MAP3K4: variants seen among roughly 807,000 people sequenced by gnomAD.
The protein encoded by MAP3K4 is MAP three kinase 1.
A neutral mutation model predicts 185.6 loss-of-function variants in MAP3K4; 67 were observed. That is an observed-to-expected ratio of 0.36 (90% CI 0.30 to 0.44). The LOEUF is 0.44. Among genes scored for constraint, MAP3K4 ranks in the 20% least tolerant of loss-of-function variants. The pLI, the probability that MAP3K4 is intolerant of heterozygous loss-of-function variation, is 1.00. For missense variants in MAP3K4, 1,551 were observed against 1,995.1 expected (o/e 0.78, Z 4.24); for synonymous variants, 702 against 710.4 (o/e 0.99, Z 0.19).
intron 1 of MAP3K4, among the ~76,000 whole-genome samples, chr6:161,015,277 G>T (rs1012113368): frequency 3.3e-5 from 5 of 151,778 alleles, no homozygotes; most frequent in Non-Finnish European, 4.4e-5. Flanking sequence ...TGGACACATG[G>T]GGGGGAAACA....
At chr6:161,009,132 G>A (rs1383489575) in intron 1 of MAP3K4, among the ~76,000 whole-genome samples, 2 of 151,864 alleles carry the variant, frequency 1.3e-5, no homozygotes, top group African/African-American at 2.4e-5. Context: ...CTACAGGTGC[G>A]CGCCACCACG....
rs1778155470 is a variant in MAP3K4 at position 161,107,816 on chromosome 6, T to A, written c.4049-83T>A. On this transcript the variant is annotated intron_variant, in intron 20 of 26. Coordinates refer to ENST00000392142, the MANE Select transcript of MAP3K4 (RefSeq NM_005922.4). This position sits in a 1 kb window ranked among gnomAD's most constrained non-coding sequence, Gnocchi z 6.2. ...TATATAAATATACGTCCAAAATAAT[T>A]GGACAGTATTATTACAAGTTTAAGG... is the stretch of plus-strand genomic sequence containing the variant. 2 of 885,922 alleles carry A rather than the reference T, an allele frequency of 2.3e-6. No homozygotes were observed. The highest frequency in any genetic ancestry group is 3.7e-6 in the Non-Finnish European group (2 of 546,258). The allele number at this position is 885,922 out of a possible 1,614,324, so 54.9% of individuals were successfully genotyped here.
rs542479350 is a variant in MAP3K4 at position 161,108,882 on chromosome 6, C to T, written c.4236+23C>T. On this transcript the variant is annotated intron_variant, in intron 22 of 26. Coordinates refer to ENST00000392142, the MANE Select transcript of MAP3K4 (RefSeq NM_005922.4). This position sits in a 1 kb window ranked among gnomAD's most constrained non-coding sequence, Gnocchi z 5.7. ...AGAGTAAGCCGACCCTAATGCCACT[C>T]TTTGTGTGAGGAATCAGTGAGGGCA... 1.1e-5 allele frequency: 18 copies of T among 1,600,080 alleles called. No homozygotes were observed. In the East Asian group the frequency reaches 2.5e-4, roughly 22 times the overall value.
At chr6:161,029,123 A>G (rs1419539063) in intron 1 of MAP3K4, among the ~76,000 whole-genome samples, 1 of 152,198 alleles carries the variant, frequency 6.6e-6, no homozygotes, top group African/African-American at 2.4e-5. Flanking sequence ...ATTACCTAAT[A>G]GAGAATAGGT....
Position 161,088,039 on chromosome 6 carries a change from T to C in MAP3K4, c.2823+85T>C. On this transcript the variant is annotated intron_variant, in intron 10 of 26. Transcript: ENST00000392142. This position sits in a 1 kb window ranked among gnomAD's most constrained non-coding sequence, Gnocchi z 4.5. ...CTGTTAGCTGCTCATGAATGAGGGG[T>C]TTGACTACCCTAGTAATCACAAGTA... The C allele has an allele frequency of 1.4e-6, 2 of 1,392,558 alleles. No individual in the cohort carries two copies. The highest frequency in any genetic ancestry group is 2.7e-5 in the South Asian group (2 of 74,604). 86.3% of individuals were successfully genotyped at this position (1,392,558 alleles called of 1,614,324 possible).
At chr6:161,000,089 A>G (rs1163535303) in intron 1 of MAP3K4, among the ~76,000 whole-genome samples, 1 of 152,230 alleles carries the variant, frequency 6.6e-6, no homozygotes, top group African/African-American at 2.4e-5. Flanking sequence ...GTCGTGACCT[A>G]CAGTAAGAAA....
chr6:160,992,158 G>T (rs1780744398), intron 1 of MAP3K4, 75 bp downstream of exon 1: 4 of 1,424,730 alleles, frequency 2.8e-6, no homozygotes, highest in Non-Finnish European at 3.6e-6. Flanking sequence ...CGGGCCCGAG[G>T]GCCTCTGCTT....
rs1432963485 is a variant in MAP3K4 at position 161,075,791 on chromosome 6, T to C, written c.2097+2179T>C. Among the ~76,000 whole-genome samples, 1 of 152,214 alleles carries C rather than the reference T, an allele frequency of 6.6e-6. No homozygotes were observed. Among genetic ancestry groups the C allele is most frequent in the East Asian group, 1.9e-4 (1 of 5,182 alleles). ...AAGGCTTAGAGTTTAGTTTTGGCAT[T>C]ACTGTCAATTATCCACATCTCTCTT... On this transcript the variant is annotated intron_variant, in intron 5 of 26. Coordinates refer to ENST00000392142, the MANE Select transcript of MAP3K4 (RefSeq NM_005922.4). The surrounding 1 kb of genome is among the most constrained non-coding windows in gnomAD (Gnocchi z 4.3).
intron 3 of MAP3K4, among the ~76,000 whole-genome samples, chr6:161,059,608 G>A (rs941610422): frequency 6.6e-6 from 1 of 152,132 alleles, no homozygotes; most frequent in Non-Finnish European, 1.5e-5. Flanking sequence ...TATGATGGTT[G>A]TAAATACTTC....
At position 161,100,510 on chromosome 6, in the gene MAP3K4, C is replaced by T. The variant is rs141828114; in HGVS notation, c.3675-1382C>T. Among the ~76,000 whole-genome samples, 124 of 152,324 alleles carry T rather than the reference C, an allele frequency of 8.1e-4. 2 individuals are homozygous for T. In the East Asian group the frequency reaches 0.02, roughly 25 times the overall value. The stretch of plus-strand genomic sequence containing the variant: ...GCAGTGGTGCTCTTGCTGAGGCTTG[C>T]TCCTGCTGGCTCTCAAGAGCTGATG... On this transcript the variant is annotated intron_variant, in intron 17 of 26. Coordinates refer to ENST00000392142, the MANE Select transcript of MAP3K4 (RefSeq NM_005922.4). This position sits in a 1 kb window ranked among gnomAD's most constrained non-coding sequence, Gnocchi z 5.8.
chr6:161,109,198 C>G lies in MAP3K4; in HGVS notation c.4236+339C>G, dbSNP rs1445874780. 6.6e-6 allele frequency among the ~76,000 whole-genome samples: 1 copy of G among 152,116 alleles called. No homozygotes were observed. Among genetic ancestry groups the G allele is most frequent in the Non-Finnish European group, 1.5e-5 (1 of 68,024 alleles). On this transcript the variant is annotated intron_variant, in intron 22 of 26. Transcript: ENST00000392142. The surrounding 1 kb of genome is among the most constrained non-coding windows in gnomAD (Gnocchi z 5.7). Reference sequence around the variant, plus strand: ...CTGTTGAGTACACTGTTAAGTAATACTGGTTTTTTTCTTGTATGTATTTAG... The same window carrying G: ...CTGTTGAGTACACTGTTAAGTAATAGTGGTTTTTTTCTTGTATGTATTTAG...
At chr6:161,035,454 A>T (rs1395899186) in intron 2 of MAP3K4, among the ~76,000 whole-genome samples, 1 of 152,088 alleles carries the variant, frequency 6.6e-6, no homozygotes, top group African/African-American at 2.4e-5. Context: ...GCCCTTCCTC[A>T]AGAGAGCAGG....
chr6:161,112,472 A>G lies in MAP3K4; in HGVS notation c.4520-196A>G, dbSNP rs1778397549. On this transcript the variant is annotated intron_variant, in intron 24 of 26. Coordinates refer to ENST00000392142, the MANE Select transcript of MAP3K4 (RefSeq NM_005922.4). The surrounding 1 kb of genome is among the most constrained non-coding windows in gnomAD (Gnocchi z 5.1). ...TTTGAAAATGTGTACATTCAAAAAT[A>G]GTCTTTTAAAAGAGAATTTGTCACC... 6.6e-6 allele frequency among the ~76,000 whole-genome samples: 1 copy of G among 152,246 alleles called. No individual in the cohort carries two copies. Among genetic ancestry groups the G allele is most frequent in the South Asian group, 2.1e-4 (1 of 4,836 alleles).
intron 11 of MAP3K4, among the ~76,000 whole-genome samples, chr6:161,090,605 T>G (rs2114865243): frequency 1.0e-5 from 1 of 97,830 alleles, no homozygotes; most frequent in South Asian, 5.5e-4. Context: ...TAACTCTTGG[T>G]CATGGAGGGC....
intron 2 of MAP3K4, among the ~76,000 whole-genome samples, chr6:161,045,367 T>C (rs895595195): frequency 6.6e-6 from 1 of 152,208 alleles, no homozygotes; most frequent in Non-Finnish European, 1.5e-5. Flanking sequence ...TAGACTGTTT[T>C]GTATGCTGTG....
intron 2 of MAP3K4, among the ~76,000 whole-genome samples, chr6:161,039,163 T>G (rs1381315842): frequency 2.0e-5 from 3 of 152,114 alleles, no homozygotes; most frequent in African/African-American, 7.2e-5. Flanking sequence ...CAGGTCGGGT[T>G]TGTAGGTTAC....
intron 1 of MAP3K4, among the ~76,000 whole-genome samples, chr6:160,994,597 C>T (rs1780905677): frequency 6.6e-6 from 1 of 152,114 alleles, no homozygotes. Context: ...CTGCTATAAA[C>T]GTGTGTACAT....
Position 161,115,030 on chromosome 6 carries a change from T to A in MAP3K4, c.4627-93T>A. ...AAAATTTGCTGTCCCCTGATATATATTAATGATGAGATGCTTAAAAACAGA... is the reference window on the plus strand; with the variant it reads ...AAAATTTGCTGTCCCCTGATATATAATAATGATGAGATGCTTAAAAACAGA... On this transcript the variant is annotated intron_variant, in intron 25 of 26. Coordinates refer to ENST00000392142, the MANE Select transcript of MAP3K4 (RefSeq NM_005922.4). This position sits in a 1 kb window ranked among gnomAD's most constrained non-coding sequence, Gnocchi z 6.0. 1 of 1,162,348 alleles carries A rather than the reference T, an allele frequency of 8.6e-7. No individual in the cohort carries two copies. The highest frequency in any genetic ancestry group is 1.2e-6 in the Non-Finnish European group (1 of 811,390). The allele number at this position is 1,162,348 out of a possible 1,614,324, so 72.0% of individuals were successfully genotyped here.
At chr6:161,015,698 C>CG (rs1376112807) in intron 1 of MAP3K4, among the ~76,000 whole-genome samples, 1 of 151,736 alleles carries the variant, frequency 6.6e-6, no homozygotes, top group Non-Finnish European at 1.5e-5. Flanking sequence ...TGGTGCGGGG[C>CG]GGGGGGAAGG....
Sources: allele counts gnomAD v4.1 joint callset (sites outside exome capture counted in the v4.1 genomes callset), GRCh38; gene constraint gnomAD v4.1.1; non-coding constraint Gnocchi (gnomAD v3.1); transcripts MANE v1.5; gene names NCBI Gene and HGNC (gene_info 2026-07-23, HGNC 2026-07-21).